CNPY2: variants seen among roughly 807,000 people sequenced by gnomAD.
The protein encoded by CNPY2 is protein canopy homolog 2.
In CNPY2, 19 loss-of-function variants were observed where a neutral mutation model predicts 25.5. The observed-to-expected ratio is 0.74, with a 90% confidence interval of 0.52 to 1.09. The LOEUF (loss-of-function observed/expected upper bound fraction) is 1.09, where lower values mean the gene tolerates loss of function less well. Among genes scored for constraint, CNPY2 ranks in the 50% least tolerant of loss-of-function variants. The pLI, the probability that CNPY2 is intolerant of heterozygous loss-of-function variation, is 0.00. For missense variants in CNPY2, 214 were observed against 233.6 expected, an observed-to-expected ratio of 0.92 and a Z score of 0.55; for synonymous variants, 82 against 85.0, an observed-to-expected ratio of 0.96 and a Z score of 0.19.
chr12:56,311,119 AGAG>A (rs1873703249), intron 4 of CNPY2, 65 bp from the exon 5 acceptor site: 19 of 1,604,854 alleles, frequency 1.2e-5, no homozygotes, highest in Non-Finnish European at 1.5e-5. Flanking sequence ...TCACTTCCAA[AGAG>A]GAGGACAAGG....
intron 4 of CNPY2, 42 bp downstream of exon 4, chr12:56,311,169 C>G (rs1040083779): frequency 1.9e-6 from 3 of 1,608,524 alleles, no homozygotes; most frequent in Admixed American, 1.7e-5. Flanking sequence ...CTCCAACAAC[C>G]CCTTAATGTC....
At chr12:56,310,709 A>G in intron 5 of CNPY2, 114 bp from the exon 6 acceptor site, 1 of 1,066,716 alleles carries the variant, frequency 9.4e-7, no homozygotes, top group Middle Eastern at 2.1e-4. Flanking sequence ...ACCATTCTGC[A>G]GAATATATGC....
rs1423080965 is a variant in CNPY2 at position 56,315,137 on chromosome 12, G to A, written c.81C>T (p.His27=). ...TAWARRSQDL[H]CGACRALVDE... ...TTCCCGTTGTGCCTTTACCTCCACAGTGGAGATCCTGGCTCCTCCGAGCCC... is the reference window on the plus strand; with the variant it reads ...TTCCCGTTGTGCCTTTACCTCCACAATGGAGATCCTGGCTCCTCCGAGCCC... The change falls in exon 2 of 6, where the codon CAC becomes CAT. Residue 27 remains histidine (H), a synonymous_variant. Transcript: ENST00000273308. The A allele has an allele frequency of 1.9e-5, 31 of 1,613,816 alleles. No individual in the cohort carries two copies. The highest frequency in any genetic ancestry group is 2.7e-5 in the African/African-American group (2 of 74,910).
rs1873682182 is a variant in CNPY2, at chr12:56,310,381, T to TATA, written c.*170_*171insTAT. 5 of 661,524 alleles carry TATA rather than the reference T, an allele frequency of 7.6e-6. No individual in the cohort carries two copies. The highest frequency in any genetic ancestry group is 5.4e-5 in the African/African-American group (3 of 55,232). 41.0% of individuals were successfully genotyped at this position (661,524 alleles called of 1,614,324 possible). A position where few individuals can be genotyped will look rare whatever the true frequency, so the allele number is the denominator to read the frequency against. On this transcript the variant is annotated 3_prime_UTR_variant, in exon 6 of 6. Coordinates refer to ENST00000273308, the MANE Select transcript of CNPY2 (RefSeq NM_014255.7). ...TTTCCTGTCTATATAACTCCTTATC[T>TATA]TCAAGCTTAATGTAAGGGCAATTCC... is the stretch of plus-strand genomic sequence containing the variant.
chr12:56,313,473 A>G (rs1873781955), intron 3 of CNPY2, among the ~76,000 whole-genome samples: 1 of 152,134 alleles, frequency 6.6e-6, no homozygotes. Flanking sequence ...CTGGGCAACA[A>G]GCCCTAAACT....
In CNPY2 at chr12:56,310,453, T is replaced by C; in HGVS notation, c.*99A>G. ...TTTGTACTTTTGGTTTCATATTTTTTCAGTTAATTTCAGTAAAAACATAAT... is the reference window on the plus strand; with the variant it reads ...TTTGTACTTTTGGTTTCATATTTTTCCAGTTAATTTCAGTAAAAACATAAT... On this transcript the variant is annotated 3_prime_UTR_variant, in exon 6 of 6. Coordinates refer to ENST00000273308, the MANE Select transcript of CNPY2 (RefSeq NM_014255.7). 8.2e-7 allele frequency: 1 copy of C among 1,225,782 alleles called. No homozygotes were observed. Among genetic ancestry groups the C allele is most frequent in the Non-Finnish European group, 1.2e-6 (1 of 840,108 alleles). 75.9% of individuals were successfully genotyped at this position (1,225,782 alleles called of 1,614,324 possible). A position where few individuals can be genotyped will look rare whatever the true frequency, so the allele number is the denominator to read the frequency against.
chr12:56,311,039 C>T lies in CNPY2; in HGVS notation c.424G>A (p.Glu142Lys). Residue 142 changes from glutamate (E) to lysine (K), a missense_variant, in exon 5 of 6, where the codon GAG becomes AAG. Coordinates refer to ENST00000273308, the MANE Select transcript of CNPY2 (RefSeq NM_014255.7). ...TCAATGAGTTCATCCTCGTATTCCT[C>T]CACAATGCTCTCACACTGCCAACCC... Reference protein sequence around the residue: ...TLKFACESIVEEYEDELIEFF... With the variant: ...TLKFACESIVKEYEDELIEFF... 6.2e-7 allele frequency: 1 copy of T among 1,614,108 alleles called. No homozygotes were observed. Among genetic ancestry groups the T allele is most frequent in the Non-Finnish European group, 8.5e-7 (1 of 1,180,036 alleles).
Position 56,312,117 on chromosome 12 carries a change from A to C in CNPY2, c.205-703T>G, listed in dbSNP as rs570332366. Among the ~76,000 whole-genome samples the C allele has an allele frequency of 2.0e-5, 3 of 151,834 alleles. No individual in the cohort carries two copies. In the South Asian group the frequency reaches 6.2e-4, roughly 32 times the overall value. On this transcript the variant is annotated intron_variant, in intron 3 of 5. Transcript: ENST00000273308. The stretch of plus-strand genomic sequence containing the variant: ...ATGGTCTCGATCTCCTGACCTAGTG[A>C]TCCGCCCACCTTGGCCTCCCCAGGT...
At position 56,310,095 on chromosome 12, in the gene CNPY2, A is replaced by T. The variant is rs1362315446; in HGVS notation, c.*457T>A. ...TTCCTTCAAGACCAAGCCCTGTCTTACTTTATGTTTCAACAGCCATGAACA... is the reference window on the plus strand; with the variant it reads ...TTCCTTCAAGACCAAGCCCTGTCTTTCTTTATGTTTCAACAGCCATGAACA... On this transcript the variant is annotated 3_prime_UTR_variant, in exon 6 of 6. Coordinates refer to ENST00000273308, the MANE Select transcript of CNPY2 (RefSeq NM_014255.7). The T allele has an allele frequency of 4.6e-6, 3 of 657,904 alleles. No individual in the cohort carries two copies. Among genetic ancestry groups the T allele is most frequent in the African/African-American group, 3.6e-5 (2 of 55,700 alleles). The allele number at this position is 657,904 out of a possible 1,614,324, so 40.8% of individuals were successfully genotyped here.
At chr12:56,311,887 A>G (rs999833473) in intron 3 of CNPY2, 1 of 158,770 alleles carries the variant, frequency 6.3e-6, no homozygotes, top group Non-Finnish European at 1.4e-5. Flanking sequence ...TTATTTATTT[A>G]TTTATTTTTT....
chr12:56,311,252 T>A lies in CNPY2; in HGVS notation c.367A>T (p.Ile123Phe). The part of the protein sequence containing the change: ...GESSELDLQG[I>F]RIDSDISGTL... Reference sequence around the variant, plus strand: ...CCGCTAATATCTGAGTCGATTCGGATGCCTTGTAGGTCCAGTTCACTGGAT... The same window carrying A: ...CCGCTAATATCTGAGTCGATTCGGAAGCCTTGTAGGTCCAGTTCACTGGAT... Residue 123 changes from isoleucine (I) to phenylalanine (F), a missense_variant, in exon 4 of 6, where the codon ATC becomes TTC. Physicochemically the swap from Ile to Phe is conservative, Grantham distance 21. Transcript: ENST00000273308. The A allele has an allele frequency of 1.9e-6, 3 of 1,614,224 alleles. No homozygotes were observed. Among genetic ancestry groups the A allele is most frequent in the Non-Finnish European group, 2.5e-6 (3 of 1,180,034 alleles).
chr12:56,314,661 T>C, intron 3 of CNPY2, 190 bp downstream of exon 3: 2 of 1,443,124 alleles, frequency 1.4e-6, no homozygotes, highest in Non-Finnish European at 1.8e-6. Flanking sequence ...AGAAACAAAG[T>C]ATTAAGGTTT....
At chr12:56,314,811 CAG>C (rs1350454830) in intron 3 of CNPY2, 38 bp downstream of exon 3, 1 of 1,614,184 alleles carries the variant, frequency 6.2e-7, no homozygotes, top group Non-Finnish European at 8.5e-7. Flanking sequence ...CATCCAAAGC[CAG>C]AGTGAGCTAC....
Position 56,310,159 on chromosome 12 carries a change from T to C in CNPY2, c.*393A>G. The C allele has an allele frequency of 1.6e-6, 1 of 608,704 alleles. No homozygotes were observed. The highest frequency in any genetic ancestry group is 2.9e-6 in the Non-Finnish European group (1 of 343,910). The allele number at this position is 608,704 out of a possible 1,614,324, so 37.7% of individuals were successfully genotyped here. A position where few individuals can be genotyped will look rare whatever the true frequency, so the allele number is the denominator to read the frequency against. On this transcript the variant is annotated 3_prime_UTR_variant, in exon 6 of 6. Transcript: ENST00000273308. ...GAATTCTACACTACCATACACTATG[T>C]TCCCCTGCTTCCTCATGGAGGTTCC... is the stretch of plus-strand genomic sequence containing the variant.
At chr12:56,316,067 C>T (rs1440846786), upstream of CNPY2, 1 of 152,638 alleles carries the variant, frequency 6.6e-6, no homozygotes, top group African/African-American at 2.4e-5. Flanking sequence ...CAGACACCGA[C>T]CCCAAACCCG....
At chr12:56,313,637 G>T (rs984438683) in intron 3 of CNPY2, among the ~76,000 whole-genome samples, 1 of 147,272 alleles carries the variant, frequency 6.8e-6, no homozygotes, top group African/African-American at 2.5e-5. Context: ...GAGGAGTCTC[G>T]CTGTGTCGCC....
Position 56,310,714 on chromosome 12 carries a change from A to G in CNPY2, c.506-119T>C, listed in dbSNP as rs2037945770. Reference sequence around the variant, plus strand: ...CACACCAACCACCATTCTGCAGAATATATGCTTATAAATGATAAAACATCC... The same window carrying G: ...CACACCAACCACCATTCTGCAGAATGTATGCTTATAAATGATAAAACATCC... On this transcript the variant is annotated intron_variant, in intron 5 of 5. Coordinates refer to ENST00000273308, the MANE Select transcript of CNPY2 (RefSeq NM_014255.7). 3.8e-6 allele frequency: 4 copies of G among 1,039,786 alleles called. No homozygotes were observed. In the African/African-American group the frequency reaches 6.3e-5, roughly 16 times the overall value. 64.4% of individuals were successfully genotyped at this position (1,039,786 alleles called of 1,614,324 possible).
chr12:56,313,651 G>A (rs1873787791), intron 3 of CNPY2, among the ~76,000 whole-genome samples: 1 of 150,246 alleles, frequency 6.7e-6, no homozygotes, highest in Non-Finnish European at 1.5e-5. Flanking sequence ...TGTCGCCCAG[G>A]CTAGAGTGCA....
intron 3 of CNPY2, chr12:56,312,975 T>C (rs1873765107): frequency 1.3e-5 from 2 of 152,364 alleles, no homozygotes; most frequent in Middle Eastern, 6.8e-3. Flanking sequence ...TTTCTATAGA[T>C]GAAGATAATT....
Sources: allele counts gnomAD v4.1 joint callset (sites outside exome capture counted in the v4.1 genomes callset), GRCh38; gene constraint gnomAD v4.1.1; transcripts MANE v1.5; gene names NCBI Gene and HGNC (gene_info 2026-07-23, HGNC 2026-07-21).